Variants in EPHA6 observed in about 807,000 individuals in gnomAD.
The protein encoded by EPHA6 is EPH receptor A6.
Under a neutral mutation model 112.0 loss-of-function variants are expected in EPHA6, and 50 were observed. That is an observed-to-expected ratio of 0.45 (90% CI 0.36 to 0.56). The LOEUF (loss-of-function observed/expected upper bound fraction) is 0.56, where lower values mean the gene tolerates loss of function less well. EPHA6 is among the 20% of genes least tolerant of loss of function. EPHA6 has a pLI of 0.00. For synonymous variants in EPHA6, 529 were observed against 490.7 expected, an observed-to-expected ratio of 1.08 and a Z score of -1.03; for missense variants, 1,280 against 1,417.4, an observed-to-expected ratio of 0.90 and a Z score of 1.56.
chr3:97,517,239 A>C (rs1169994677), intron 10 of EPHA6, among the ~76,000 whole-genome samples: 1 of 152,142 alleles, frequency 6.6e-6, no homozygotes, highest in East Asian at 1.9e-4. Flanking sequence ...CAGTTGAACA[A>C]ATTGGGTTTA....
At chr3:97,248,790 A>C (rs772819375) in intron 5 of EPHA6, among the ~76,000 whole-genome samples, 1 of 152,126 alleles carries the variant, frequency 6.6e-6, no homozygotes, top group Non-Finnish European at 1.5e-5. Context: ...AATCAACAAA[A>C]GTCTCTATAT....
intron 14 of EPHA6, among the ~76,000 whole-genome samples, chr3:97,666,110 C>T (rs1009978439): frequency 6.6e-6 from 1 of 151,784 alleles, no homozygotes; most frequent in Non-Finnish European, 1.5e-5. Flanking sequence ...TGACGCCTTG[C>T]CTTGAATTTT....
At chr3:97,134,306 A>G (rs1303848453) in intron 3 of EPHA6, among the ~76,000 whole-genome samples, 1 of 152,064 alleles carries the variant, frequency 6.6e-6, no homozygotes, top group African/African-American at 2.4e-5. Context: ...AATAAGGCAA[A>G]TTAGTAGTTC....
At chr3:97,419,014 A>AT (rs549873825) in intron 6 of EPHA6, among the ~76,000 whole-genome samples, 59 of 152,292 alleles carry the variant, frequency 3.9e-4, no homozygotes, top group African/African-American at 1.4e-3. Context: ...TTACTTAAGA[A>AT]TTTAACAGGG....
At chr3:97,244,413 G>T (rs1434684776) in intron 5 of EPHA6, 126 bp downstream of exon 5, 18 of 741,860 alleles carry the variant, frequency 2.4e-5, no homozygotes, top group Non-Finnish European at 3.7e-5. Context: ...CAGAGGTAAT[G>T]CACTGGTTGT....
intron 5 of EPHA6, among the ~76,000 whole-genome samples, chr3:97,364,537 C>A (rs921398364): frequency 6.6e-6 from 1 of 151,790 alleles, no homozygotes; most frequent in African/African-American, 2.4e-5. Flanking sequence ...AAAATCTAAT[C>A]TTCATGATTA....
chr3:97,259,906 T>C (rs1329276894), intron 5 of EPHA6, among the ~76,000 whole-genome samples: 1 of 151,876 alleles, frequency 6.6e-6, no homozygotes, highest in African/African-American at 2.4e-5. Flanking sequence ...GTTCAAGCGA[T>C]TCTTCCGCCT....
At chr3:97,465,354 T>C (rs2091018494) in intron 7 of EPHA6, among the ~76,000 whole-genome samples, 1 of 152,076 alleles carries the variant, frequency 6.6e-6, no homozygotes, top group Admixed American at 6.6e-5. Flanking sequence ...GCCAAAAACC[T>C]TCTTGCTGCT....
intron 10 of EPHA6, among the ~76,000 whole-genome samples, chr3:97,499,232 G>T (rs956768993): frequency 6.6e-6 from 1 of 151,986 alleles, no homozygotes; most frequent in Non-Finnish European, 1.5e-5. Flanking sequence ...GTTACTTATT[G>T]ACTTTCTGTT....
At chr3:97,458,501 G>A (rs2090773923) in intron 7 of EPHA6, among the ~76,000 whole-genome samples, 3 of 151,694 alleles carry the variant, frequency 2.0e-5, no homozygotes, top group African/African-American at 7.3e-5. Context: ...CAATAAACAT[G>A]GCAATATTAC....
intron 6 of EPHA6, among the ~76,000 whole-genome samples, chr3:97,424,312 G>A (rs541325991): frequency 6.6e-6 from 1 of 152,018 alleles, no homozygotes; most frequent in African/African-American, 2.4e-5. Flanking sequence ...GATTTTGGTG[G>A]GGACACAGCC....
chr3:97,328,077 A>ATATATATATATATATATG (rs1458986217), intron 5 of EPHA6, among the ~76,000 whole-genome samples: 1 of 146,440 alleles, frequency 6.8e-6, no homozygotes, highest in Admixed American at 6.9e-5. Flanking sequence ...ATATATATAT[A>ATATATATATATATATATG]TAACCTGTTT....
At chr3:96,988,045 A>C in intron 3 of EPHA6, 52 bp downstream of exon 3, 2 of 1,415,240 alleles carry the variant, frequency 1.4e-6, no homozygotes, top group South Asian at 3.0e-5. Context: ...GATTTTAAAA[A>C]AGTTTTATTT....
intron 15 of EPHA6, among the ~76,000 whole-genome samples, chr3:97,728,197 G>A (rs2034866502): frequency 6.6e-6 from 1 of 151,822 alleles, no homozygotes. Context: ...GTGGAGCCAG[G>A]AAATGTATTA....
intron 5 of EPHA6, among the ~76,000 whole-genome samples, chr3:97,316,117 A>G (rs1037081770): frequency 3.3e-5 from 5 of 151,856 alleles, no homozygotes; most frequent in African/African-American, 1.2e-4. Context: ...TTAAAATGAA[A>G]TAATAATGCA....
chr3:97,677,326 G>A (rs191199680), intron 14 of EPHA6, among the ~76,000 whole-genome samples: 95 of 152,154 alleles, frequency 6.2e-4, no homozygotes, highest in Admixed American at 1.6e-3. Flanking sequence ...ACCTTTTTCT[G>A]TTTTTAATGT....
chr3:97,639,571 G>T (rs145821065), intron 14 of EPHA6, among the ~76,000 whole-genome samples: 1 of 152,022 alleles, frequency 6.6e-6, no homozygotes, highest in South Asian at 2.1e-4. Context: ...ACTCTTTGTG[G>T]CAGTAAGCCT....
chr3:96,824,042 T>A (rs2033477296), intron 1 of EPHA6, among the ~76,000 whole-genome samples: 1 of 151,804 alleles, frequency 6.6e-6, no homozygotes, highest in East Asian at 1.9e-4. Flanking sequence ...GTATAATAAC[T>A]TCATTTTATA....
intron 1 of EPHA6, among the ~76,000 whole-genome samples, chr3:96,825,456 T>C (rs2033587412): frequency 6.6e-6 from 1 of 151,968 alleles, no homozygotes; most frequent in Non-Finnish European, 1.5e-5. Context: ...CAATTTAAAA[T>C]ATTTCTTCAA....
Sources: gnomAD v4.1 joint callset for allele counts (sites outside exome capture counted in the v4.1 genomes callset) on GRCh38, gnomAD v4.1.1 for gene constraint, MANE v1.5 for transcripts, NCBI Gene and HGNC (gene_info 2026-07-23, HGNC 2026-07-21) for gene names.